The following ARFGEF3 variants were observed in gnomAD, a reference collection of about 807,000 sequenced individuals.
ARFGEF3 encodes the protein brefeldin A-inhibited guanine nucleotide-exchange protein 3.
A neutral mutation model predicts 221.7 loss-of-function variants in ARFGEF3; 96 were observed. The observed-to-expected ratio is 0.43, with a 90% CI of 0.37 to 0.51. The LOEUF (loss-of-function observed/expected upper bound fraction) is 0.51, where lower values mean the gene tolerates loss of function less well. Among genes scored for constraint, ARFGEF3 ranks in the 20% least tolerant of loss-of-function variants. The probability of loss-of-function intolerance (pLI) is 0.00; values close to 1 mark genes in which losing one functional copy is unlikely to be tolerated. For missense variants in ARFGEF3, 2,410 were observed against 2,789.9 expected (o/e 0.86, Z 3.07); for synonymous variants, 1,145 against 1,126.8 (o/e 1.02, Z -0.32).
chr6:138,194,015 T>C (rs1453884418), intron 2 of ARFGEF3, among the ~76,000 whole-genome samples: 4 of 152,178 alleles, frequency 2.6e-5, no homozygotes, highest in African/African-American at 9.6e-5. Context: ...GGCTCACGCC[T>C]GTAATCCCAG....
intron 27 of ARFGEF3, among the ~76,000 whole-genome samples, chr6:138,318,181 C>T (rs948795748): frequency 6.6e-6 from 1 of 152,078 alleles, no homozygotes; most frequent in Non-Finnish European, 1.5e-5. Flanking sequence ...GATACTGCCA[C>T]GTTAAAAAGT....
At chr6:138,311,855 C>T (rs1380626891) in intron 25 of ARFGEF3, among the ~76,000 whole-genome samples, 1 of 151,980 alleles carries the variant, frequency 6.6e-6, no homozygotes, top group Non-Finnish European at 1.5e-5. Flanking sequence ...AAGTGGAGGA[C>T]AGGGGTGCAA....
rs373777982 is a variant in ARFGEF3 at position 138,291,775 on chromosome 6, C to T, written c.3090C>T (p.Ser1030=). The T allele has an allele frequency of 4.8e-6, 7 of 1,457,944 alleles. No homozygotes were observed. Among genetic ancestry groups the T allele is most frequent in the African/African-American group, 2.9e-5 (2 of 68,088 alleles). 90.3% of individuals were successfully genotyped at this position (1,457,944 alleles called of 1,614,324 possible). Residue 1030 remains serine (S), a synonymous_variant, in exon 19 of 34, where the codon AGC becomes AGT. Coordinates refer to ENST00000251691, the MANE Select transcript of ARFGEF3 (RefSeq NM_020340.5). This position sits in a 1 kb window ranked among gnomAD's most constrained non-coding sequence, Gnocchi z 4.5. ...GCACCCTGGAGCACAACCACTTCAGCGATGGTGCCTCGCAGCCCCCTCTGA... is the reference window on the plus strand; with the variant it reads ...GCACCCTGGAGCACAACCACTTCAGTGATGGTGCCTCGCAGCCCCCTCTGA... ...YVGTLEHNHF[S]DGASQPPLTI...
chr6:138,246,401 G>A (rs1401201345), intron 8 of ARFGEF3, among the ~76,000 whole-genome samples: 2 of 152,216 alleles, frequency 1.3e-5, no homozygotes, highest in African/African-American at 4.8e-5. Flanking sequence ...TTTAAATGCA[G>A]TAATGAGTTG....
intron 4 of ARFGEF3, among the ~76,000 whole-genome samples, chr6:138,211,086 C>G (rs1777718611): frequency 6.6e-6 from 1 of 152,142 alleles, no homozygotes; most frequent in South Asian, 2.1e-4. Flanking sequence ...ACCTTGATTT[C>G]CTTGTGTGTA....
chr6:138,343,298 A>T lies in ARFGEF3; in HGVS notation c.*6812A>T, dbSNP rs1780461313. 6.6e-6 allele frequency: 1 copy of T among 152,234 alleles called. No individual in the cohort carries two copies. The highest frequency in any genetic ancestry group is 2.4e-5 in the African/African-American group (1 of 41,468). The allele number at this position is 152,234 out of a possible 1,614,324, so 9.4% of individuals were successfully genotyped here. On this transcript the variant is annotated 3_prime_UTR_variant, in exon 34 of 34. Coordinates refer to ENST00000251691, the MANE Select transcript of ARFGEF3 (RefSeq NM_020340.5). ...TTTCTCTAAAGACTTCTGCTTAATA[A>T]ATATGCTGACTTCATTTAAATTAGT...
In ARFGEF3 at chr6:138,220,801, C is replaced by A. The variant is rs1777970633; in HGVS notation, c.352-8983C>A. 2.0e-5 allele frequency among the ~76,000 whole-genome samples: 3 copies of A among 152,158 alleles called. No homozygotes were observed. In the South Asian group the frequency reaches 6.2e-4, roughly 32 times the overall value. On this transcript the variant is annotated intron_variant, in intron 4 of 33. Transcript: ENST00000251691. ...AGTAATCAACACGTAACTGACCAAT[C>A]CAGTTTGTTCTCCATAAGGGTTGGA...
Position 138,285,898 on chromosome 6 carries a change from G to C in ARFGEF3, c.2462-48G>C, listed in dbSNP as rs371607332. 3.5e-6 allele frequency: 4 copies of C among 1,132,624 alleles called. No homozygotes were observed. The South Asian group carries it at 5.0e-5, about 14-fold the overall frequency. The allele number at this position is 1,132,624 out of a possible 1,614,324, so 70.2% of individuals were successfully genotyped here. On this transcript the variant is annotated intron_variant, in intron 14 of 33. Transcript: ENST00000251691. ...TTGTGGTGGCCATTTGCTTGTTTTT[G>C]ACTGGAGTGTTTTATTTAGGGAAAA...
At chr6:138,210,985 G>A (rs567513028) in intron 4 of ARFGEF3, among the ~76,000 whole-genome samples, 1 of 152,262 alleles carries the variant, frequency 6.6e-6, no homozygotes, top group African/African-American at 2.4e-5. Context: ...ATGATTAAGA[G>A]CTCAAACTCT....
Position 138,296,940 on chromosome 6 carries a change from C to T in ARFGEF3, c.3633C>T (p.Ala1211=). The change falls in exon 21 of 34, where the codon GCC becomes GCT. Residue 1211 remains alanine, a synonymous_variant. Transcript: ENST00000251691. Reference sequence around the variant, plus strand: ...TGATGCGCTGCTGGAGCCTTGTGGCCCCACACCTGGTGGAGGTGAGCACTG... The same window carrying T: ...TGATGCGCTGCTGGAGCCTTGTGGCTCCACACCTGGTGGAGGTGAGCACTG... ...LHVMRCWSLV[A]PHLVEAACHK... 6.2e-7 allele frequency: 1 copy of T among 1,612,914 alleles called. No individual in the cohort carries two copies.
intron 12 of ARFGEF3, among the ~76,000 whole-genome samples, chr6:138,272,277 T>A (rs866307735): frequency 6.6e-6 from 1 of 152,184 alleles, no homozygotes; most frequent in South Asian, 2.1e-4. Context: ...TGCCTCAGCC[T>A]CCTGAGAAGC....
At chr6:138,256,975 T>C (rs1463983478) in intron 10 of ARFGEF3, among the ~76,000 whole-genome samples, 3 of 152,076 alleles carry the variant, frequency 2.0e-5, no homozygotes, top group Non-Finnish European at 4.4e-5. Context: ...TGTAGAGACG[T>C]GTTGCCCAGG....
chr6:138,181,216 A>C (rs1777073998), intron 2 of ARFGEF3, among the ~76,000 whole-genome samples: 1 of 152,198 alleles, frequency 6.6e-6, no homozygotes. Flanking sequence ...CACTTAAAAA[A>C]TGAGTGCATA....
chr6:138,313,137 C>A (rs1400760083), intron 25 of ARFGEF3, among the ~76,000 whole-genome samples: 1 of 152,154 alleles, frequency 6.6e-6, no homozygotes, highest in Non-Finnish European at 1.5e-5. Flanking sequence ...TGCTCACAGC[C>A]CTGGTTCCTT....
chr6:138,280,813 T>G (rs985387944), intron 14 of ARFGEF3, among the ~76,000 whole-genome samples: 1 of 152,136 alleles, frequency 6.6e-6, no homozygotes, highest in African/African-American at 2.4e-5. Flanking sequence ...ATTACACCAC[T>G]GTACTCCAGC....
intron 1 of ARFGEF3, among the ~76,000 whole-genome samples, chr6:138,168,551 A>G (rs921554060): frequency 5.9e-5 from 9 of 152,236 alleles, no homozygotes; most frequent in Non-Finnish European, 8.8e-5. Flanking sequence ...TACTGTGTTA[A>G]GCAGAGACTG....
intron 28 of ARFGEF3, 98 bp downstream of exon 28, chr6:138,319,977 G>A: frequency 1.0e-6 from 1 of 969,612 alleles, no homozygotes; most frequent in South Asian, 1.5e-5. Flanking sequence ...AAATACGAAT[G>A]CAGGGTTTTT....
At chr6:138,205,217 T>A (rs187613746) in intron 2 of ARFGEF3, among the ~76,000 whole-genome samples, 28 of 152,312 alleles carry the variant, frequency 1.8e-4, no homozygotes, top group Non-Finnish European at 3.4e-4. Flanking sequence ...TGGTGAGTAA[T>A]GTGTAAATAT....
At chr6:138,169,359 G>A (rs1250860011) in intron 1 of ARFGEF3, among the ~76,000 whole-genome samples, 1 of 152,212 alleles carries the variant, frequency 6.6e-6, no homozygotes, top group Non-Finnish European at 1.5e-5. Flanking sequence ...TAGTTTCATG[G>A]TGGCTGCTGT....
Sources: allele counts gnomAD v4.1 joint callset (sites outside exome capture counted in the v4.1 genomes callset), GRCh38; gene constraint gnomAD v4.1.1; non-coding constraint Gnocchi (gnomAD v3.1); transcripts MANE v1.5; gene names NCBI Gene and HGNC (gene_info 2026-07-23, HGNC 2026-07-21).